Variants in FRY observed in about 807,000 individuals in gnomAD.
The protein encoded by FRY is FRY microtubule binding protein, also known as protein furry homolog.
Under a neutral mutation model 348.4 loss-of-function variants are expected in FRY, and 128 were observed. The ratio of observed to expected loss-of-function variants is 0.37; its 90% confidence interval spans 0.32 to 0.43. The LOEUF is 0.43. FRY is among the 20% of genes least tolerant of loss of function. FRY has a pLI of 1.00. For missense variants in FRY, 2,736 were observed against 3,695.2 expected, an observed-to-expected ratio of 0.74 and a Z score of 6.73; for synonymous variants, 1,370 against 1,374.7, an observed-to-expected ratio of 1.00 and a Z score of 0.08.
chr13:32,113,097 A>G (rs986765874), intron 3 of FRY, among the ~76,000 whole-genome samples: 1 of 152,254 alleles, frequency 6.6e-6, no homozygotes, highest in Non-Finnish European at 1.5e-5. Context: ...TACTCATCAA[A>G]TACTATAATC....
intron 28 of FRY, among the ~76,000 whole-genome samples, chr13:32,189,726 C>A (rs993579903): frequency 6.6e-6 from 1 of 151,852 alleles, no homozygotes; most frequent in Non-Finnish European, 1.5e-5. Context: ...GAAAAAATTG[C>A]ATGGATTCAA....
chr13:32,170,737 G>A (rs1403557115), intron 17 of FRY, among the ~76,000 whole-genome samples: 4 of 152,128 alleles, frequency 2.6e-5, no homozygotes, highest in Non-Finnish European at 4.4e-5. Flanking sequence ...GGGTTTCACC[G>A]TGTTAGCCAA....
intron 4 of FRY, among the ~76,000 whole-genome samples, chr13:32,120,204 T>C (rs1359085840): frequency 6.6e-6 from 1 of 152,180 alleles, no homozygotes; most frequent in Non-Finnish European, 1.5e-5. Context: ...TCTCAAACTA[T>C]TATGTAAGTA....
intron 55 of FRY, among the ~76,000 whole-genome samples, chr13:32,274,336 A>G (rs1403465269): frequency 1.3e-5 from 2 of 152,166 alleles, no homozygotes; most frequent in African/African-American, 4.8e-5. Flanking sequence ...AATTAGCCCA[A>G]TTTAGCCATT....
In FRY at chr13:32,184,639, C is replaced by A; in HGVS notation, c.3094C>A (p.Gln1032Lys). The change falls in exon 25 of 61, where the codon CAA (glutamine) becomes AAA (lysine). Residue 1032 changes from glutamine (Q) to lysine (K), a missense_variant. Transcript: ENST00000542859. ...RRERRDLLRLQLLRIFELLAD... is the reference protein window; with the variant it reads ...RRERRDLLRLKLLRIFELLAD... ...AGAACGGCGAGACTTGTTAAGGCTA[C>A]AACTACTTCGAATTTTTGAACTTTT... is the stretch of plus-strand genomic sequence containing the variant. 6.2e-7 allele frequency: 1 copy of A among 1,613,782 alleles called. No homozygotes were observed.
At position 32,184,982 on chromosome 13, in the gene FRY, T is replaced by C; in HGVS notation, c.3153T>C (p.Asn1051=). Residue 1051 remains asparagine, a synonymous_variant, in exon 26 of 61, where the codon AAT becomes AAC. Coordinates refer to ENST00000542859, the MANE Select transcript of FRY (RefSeq NM_023037.3). ...TCATTTTCCTTTATTCCAGCACAAA[T>C]GGAGCCCTAGAGCGGGATACTTTAG... ...ADAGVISDST[N]GALERDTLAL... 6.2e-7 allele frequency: 1 copy of C among 1,613,700 alleles called. No homozygotes were observed. Among genetic ancestry groups the C allele is most frequent in the South Asian group, 1.1e-5 (1 of 91,076 alleles).
At chr13:32,034,137 T>C (rs949368499) in intron 1 of FRY, among the ~76,000 whole-genome samples, 2 of 152,218 alleles carry the variant, frequency 1.3e-5, no homozygotes, top group African/African-American at 4.8e-5. Flanking sequence ...AGCCTCTTAA[T>C]TATATGGTGG....
intron 2 of FRY, among the ~76,000 whole-genome samples, chr13:32,086,438 C>T (rs926096000): frequency 1.3e-5 from 2 of 152,232 alleles, no homozygotes; most frequent in African/African-American, 4.8e-5. Flanking sequence ...GCAGCATTCA[C>T]TCTCAAACCC....
At chr13:32,128,613 G>C (rs1373263528) in intron 7 of FRY, among the ~76,000 whole-genome samples, 13 of 152,224 alleles carry the variant, frequency 8.5e-5, no homozygotes. Flanking sequence ...GAAGCTCTGG[G>C]TTTGAGTCTC....
Position 32,160,759 on chromosome 13 carries a change from C to T in FRY, c.1785-385C>T, listed in dbSNP as rs1479051102. Among the ~76,000 whole-genome samples, 5 of 46,146 alleles carry T rather than the reference C, an allele frequency of 1.1e-4. No homozygotes were observed. In the East Asian group the frequency reaches 0.011, roughly 103 times the overall value. The allele number at this position is 46,146 out of a possible 152,430, so 30.3% of individuals were successfully genotyped here. The stretch of plus-strand genomic sequence containing the variant: ...TGCTAGATATCACAATTACAAAAGG[C>T]ACCATTCCATATATATATACTCCAT... On this transcript the variant is annotated intron_variant, in intron 16 of 60. Transcript: ENST00000542859.
chr13:32,039,616 G>A (rs993858821), intron 1 of FRY, among the ~76,000 whole-genome samples: 7 of 152,020 alleles, frequency 4.6e-5, no homozygotes, highest in African/African-American at 7.3e-5. Flanking sequence ...ACAAGCACAG[G>A]CATTTAAATG....
chr13:32,275,061 A>G (rs1371660958), intron 56 of FRY, 70 bp downstream of exon 56: 6 of 1,362,694 alleles, frequency 4.4e-6, no homozygotes, highest in African/African-American at 4.3e-5. Context: ...TCAGGGTAGC[A>G]TGTTTGCGCT....
At chr13:32,226,846 C>G (rs990368815) in intron 39 of FRY, among the ~76,000 whole-genome samples, 2 of 152,192 alleles carry the variant, frequency 1.3e-5, no homozygotes, top group African/African-American at 4.8e-5. Flanking sequence ...ATCATTATCT[C>G]TAAGACCTAA....
chr13:32,165,617 G>A (rs1233659752), intron 17 of FRY, among the ~76,000 whole-genome samples: 2 of 152,152 alleles, frequency 1.3e-5, no homozygotes, highest in African/African-American at 4.8e-5. Context: ...ACATTGTGGG[G>A]CACTTCTTTC....
chr13:32,170,817 G>A (rs148279876), intron 17 of FRY, among the ~76,000 whole-genome samples, 195 bp from the exon 18 acceptor site: 63 of 152,254 alleles, frequency 4.1e-4, no homozygotes, highest in South Asian at 3.7e-3. Context: ...GATTACAGGC[G>A]TGAGCCACCA....
At chr13:32,108,900 T>C (rs1289829691) in intron 3 of FRY, among the ~76,000 whole-genome samples, 2 of 152,070 alleles carry the variant, frequency 1.3e-5, no homozygotes, top group Non-Finnish European at 2.9e-5. Context: ...AAAAAAGAGA[T>C]CAGGCGGCAG....
chr13:32,292,569 A>G (rs894704676), intron 59 of FRY, among the ~76,000 whole-genome samples: 7 of 151,856 alleles, frequency 4.6e-5, no homozygotes, highest in African/African-American at 9.7e-5. Context: ...CAAGGTGGGC[A>G]GATCACAAGG....
chr13:32,209,251 T>C (rs61946736), intron 32 of FRY, 142 bp downstream of exon 32: 49,782 of 963,034 alleles, frequency 0.052, 1,562 homozygotes, highest in Middle Eastern at 0.065. Flanking sequence ...TGCACAGAAA[T>C]ATGAATGGAC....
intron 48 of FRY, among the ~76,000 whole-genome samples, chr13:32,249,021 G>A (rs755620407): frequency 1.3e-5 from 2 of 152,234 alleles, no homozygotes; most frequent in African/African-American, 2.4e-5. Context: ...ACACTCTGGA[G>A]CTCTCAGGAA....
Sources: allele counts gnomAD v4.1 joint callset (sites outside exome capture counted in the v4.1 genomes callset), GRCh38; gene constraint gnomAD v4.1.1; transcripts MANE v1.5; gene names NCBI Gene and HGNC (gene_info 2026-07-23, HGNC 2026-07-21).